Variants in MAGI2 observed in about 807,000 individuals in gnomAD.
The protein encoded by MAGI2 is membrane-associated guanylate kinase, WW and PDZ domain-containing protein 2.
A neutral mutation model predicts 133.3 loss-of-function variants in MAGI2; 35 were observed. The ratio of observed to expected loss-of-function variants is 0.26; its 90% CI spans 0.20 to 0.35. MAGI2 has a LOEUF of 0.35. Among genes scored for constraint, MAGI2 ranks in the 10% least tolerant of loss-of-function variants. The pLI, the probability that MAGI2 is intolerant of heterozygous loss-of-function variation, is 1.00. For synonymous variants in MAGI2, 729 were observed against 710.6 expected (o/e 1.03, Z -0.41); for missense variants, 1,636 against 1,863.4 (o/e 0.88, Z 2.25).
chr7:78,283,104 A>T (rs1795793357), intron 9 of MAGI2, among the ~76,000 whole-genome samples: 1 of 152,036 alleles, frequency 6.6e-6, no homozygotes, highest in Admixed American at 6.6e-5. Context: ...CTCCAGTGAT[A>T]CTTCTGCCTC....
chr7:78,945,228 A>G (rs1462897396), intron 2 of MAGI2, among the ~76,000 whole-genome samples: 1 of 150,432 alleles, frequency 6.6e-6, no homozygotes, highest in Non-Finnish European at 1.5e-5. Flanking sequence ...CACCCAGCTA[A>G]TTTTTGTATT....
intron 7 of MAGI2, among the ~76,000 whole-genome samples, chr7:78,355,863 T>C (rs538589201): frequency 6.6e-6 from 1 of 152,364 alleles, no homozygotes; most frequent in African/African-American, 2.4e-5. Context: ...ATATTAAATA[T>C]ATTTTTTAAA....
intron 21 of MAGI2, among the ~76,000 whole-genome samples, chr7:78,057,835 T>C (rs1812752347): frequency 6.6e-6 from 1 of 151,718 alleles, no homozygotes; most frequent in Admixed American, 6.6e-5. Context: ...ATATTTTACT[T>C]TGAAAACAAG....
At chr7:78,633,239 T>C (rs1809221667) in intron 2 of MAGI2, among the ~76,000 whole-genome samples, 2 of 152,062 alleles carry the variant, frequency 1.3e-5, no homozygotes, top group South Asian at 2.1e-4. Flanking sequence ...TGGGGTCTAC[T>C]TGAGGGCGGA....
chr7:78,955,915 A>G (rs1001913686), intron 2 of MAGI2, among the ~76,000 whole-genome samples: 1 of 151,978 alleles, frequency 6.6e-6, no homozygotes, highest in African/African-American at 2.4e-5. Flanking sequence ...TTCACTTTAT[A>G]ATATCTAGAA....
chr7:78,021,878 C>G (rs185266574), intron 21 of MAGI2, among the ~76,000 whole-genome samples: 33 of 152,330 alleles, frequency 2.2e-4, no homozygotes, highest in Non-Finnish European at 3.8e-4. Context: ...GAGACATACA[C>G]TTTCTAAGGG....
At chr7:78,723,445 A>G (rs1398162520) in intron 2 of MAGI2, among the ~76,000 whole-genome samples, 2 of 152,226 alleles carry the variant, frequency 1.3e-5, no homozygotes, top group African/African-American at 4.8e-5. Context: ...TAAGCTTCTG[A>G]CCAAATATTG....
chr7:78,814,014 G>C (rs1308405580), intron 2 of MAGI2, among the ~76,000 whole-genome samples: 1 of 152,082 alleles, frequency 6.6e-6, no homozygotes. Flanking sequence ...GACATGGCTG[G>C]TGCAATAAAT....
chr7:78,175,609 T>C (rs1447059313), intron 14 of MAGI2, among the ~76,000 whole-genome samples: 2 of 152,192 alleles, frequency 1.3e-5, no homozygotes, highest in African/African-American at 4.8e-5. Flanking sequence ...ACCTACTACA[T>C]GGTGGGGCCC....
At chr7:78,884,864 A>T (rs1796144380) in intron 2 of MAGI2, among the ~76,000 whole-genome samples, 1 of 152,208 alleles carries the variant, frequency 6.6e-6, no homozygotes, top group South Asian at 2.1e-4. Context: ...AATGACACCT[A>T]TACATGCATG....
At chr7:78,683,686 T>A (rs999535214) in intron 2 of MAGI2, among the ~76,000 whole-genome samples, 2 of 152,188 alleles carry the variant, frequency 1.3e-5, no homozygotes, top group African/African-American at 4.8e-5. Flanking sequence ...TCCCAGGCAC[T>A]GCAGTTATTC....
chr7:78,757,618 A>G (rs1340353266), intron 2 of MAGI2, among the ~76,000 whole-genome samples: 1 of 152,138 alleles, frequency 6.6e-6, no homozygotes, highest in Non-Finnish European at 1.5e-5. Context: ...TATATGACTT[A>G]ACAGCTGCAC....
intron 9 of MAGI2, among the ~76,000 whole-genome samples, chr7:78,323,022 TG>T (rs1278460259): frequency 6.9e-6 from 1 of 145,948 alleles, no homozygotes; most frequent in Non-Finnish European, 1.5e-5. Context: ...AAAATAAATA[TG>T]TGTTCATCCA....
intron 2 of MAGI2, among the ~76,000 whole-genome samples, chr7:78,975,349 T>G (rs188794163): frequency 6.6e-6 from 1 of 151,826 alleles, no homozygotes; most frequent in African/African-American, 2.4e-5. Context: ...AAGAAATTAA[T>G]CTAAAAATCA....
chr7:79,091,297 C>T (rs1351700796), intron 1 of MAGI2, among the ~76,000 whole-genome samples: 1 of 152,124 alleles, frequency 6.6e-6, no homozygotes, highest in Admixed American at 6.6e-5. Context: ...AGAAATCTCA[C>T]ATTTCAATAG....
chr7:79,331,266 A>G (rs758355725), intron 1 of MAGI2, among the ~76,000 whole-genome samples: 2 of 152,176 alleles, frequency 1.3e-5, no homozygotes, highest in Non-Finnish European at 2.9e-5. Context: ...TAATGAGTCC[A>G]TAATATGCAA....
chr7:78,767,759 C>T (rs929965074), intron 2 of MAGI2, among the ~76,000 whole-genome samples: 9 of 152,326 alleles, frequency 5.9e-5, no homozygotes, highest in African/African-American at 1.4e-4. Context: ...TTTTCCTTTA[C>T]GTGCCACAGG....
intron 2 of MAGI2, among the ~76,000 whole-genome samples, chr7:78,890,749 G>C (rs1796675640): frequency 6.6e-6 from 1 of 152,184 alleles, no homozygotes; most frequent in African/African-American, 2.4e-5. Flanking sequence ...GAAATTTATA[G>C]CACTAAATTC....
intron 7 of MAGI2, among the ~76,000 whole-genome samples, chr7:78,366,916 A>G (rs1793437935): frequency 6.6e-6 from 1 of 152,130 alleles, no homozygotes; most frequent in Non-Finnish European, 1.5e-5. Context: ...AAATTAAACT[A>G]TTTTGACCCA....
Sources: allele counts gnomAD v4.1 joint callset (sites outside exome capture counted in the v4.1 genomes callset), GRCh38; gene constraint gnomAD v4.1.1; transcripts MANE v1.5; gene names NCBI Gene and HGNC (gene_info 2026-07-23, HGNC 2026-07-21).